The following DLG2 variants were observed in gnomAD, a reference collection of about 807,000 sequenced individuals.
The protein encoded by DLG2 is discs large MAGUK scaffold protein 2.
In DLG2, 45 loss-of-function variants were observed where a neutral mutation model predicts 132.5. That is an observed-to-expected ratio of 0.34 (90% CI 0.27 to 0.44). The LOEUF is 0.44. DLG2 is among the 20% of genes least tolerant of loss of function. The pLI is 1.00. For synonymous variants in DLG2, 424 were observed against 419.6 expected (o/e 1.01, Z -0.13); for missense variants, 1,045 against 1,196.9 (o/e 0.87, Z 1.87).
At chr11:84,979,736 C>T (rs1328901790) in intron 6 of DLG2, among the ~76,000 whole-genome samples, 1 of 152,020 alleles carries the variant, frequency 6.6e-6, no homozygotes, top group East Asian at 1.9e-4. Flanking sequence ...AGCACACCAA[C>T]ATGGCACATG....
At chr11:84,625,833 C>T (rs2099621618) in intron 6 of DLG2, among the ~76,000 whole-genome samples, 1 of 152,134 alleles carries the variant, frequency 6.6e-6, no homozygotes, top group Non-Finnish European at 1.5e-5. Flanking sequence ...TTTGGAAACA[C>T]TAGTCATTTA....
chr11:85,165,321 G>A (rs1477562412), intron 4 of DLG2, among the ~76,000 whole-genome samples: 1 of 152,120 alleles, frequency 6.6e-6, no homozygotes, highest in Non-Finnish European at 1.5e-5. Flanking sequence ...CATTGTTTTG[G>A]ACTGAGTTCC....
At position 85,439,027 on chromosome 11, in the gene DLG2, C is replaced by A. The variant is rs184760663; in HGVS notation, c.41-153662G>T. ...TTATGTATATATTAATAGTTTCTTC[C>A]TTTTTGTTGCTGAGTAGTATTCCAT... On this transcript the variant is annotated intron_variant, in intron 3 of 27. Transcript: ENST00000376104. Among the ~76,000 whole-genome samples the A allele has an allele frequency of 1.4e-4, 22 of 152,200 alleles. 1 individual carries two copies. The highest frequency in any genetic ancestry group is 4.1e-4 in the African/African-American group (17 of 41,528).
At chr11:85,153,447 A>G (rs1260170365) in intron 5 of DLG2, among the ~76,000 whole-genome samples, 2 of 152,148 alleles carry the variant, frequency 1.3e-5, no homozygotes, top group Non-Finnish European at 2.9e-5. Flanking sequence ...AGTCCTGTCA[A>G]TTATTTCTTT....
chr11:85,015,066 G>A (rs1056814674), intron 6 of DLG2, among the ~76,000 whole-genome samples: 1 of 152,084 alleles, frequency 6.6e-6, no homozygotes, highest in Non-Finnish European at 1.5e-5. Context: ...GGTGTCTCTT[G>A]TGTTCATTGA....
intron 7 of DLG2, among the ~76,000 whole-genome samples, chr11:84,526,795 TTGAGACG>T (rs2099322021): frequency 6.7e-6 from 1 of 148,622 alleles, no homozygotes; most frequent in Non-Finnish European, 1.5e-5. Context: ...TTTTTTTTTT[TTGAGACG>T]GAGTCTTGCT....
At chr11:84,401,824 A>T (rs192190885) in intron 7 of DLG2, among the ~76,000 whole-genome samples, 1 of 152,284 alleles carries the variant, frequency 6.6e-6, no homozygotes, top group Non-Finnish European at 1.5e-5. Flanking sequence ...CTGGGACTAC[A>T]GGCGCCTGCC....
At chr11:85,331,842 C>T (rs193264021) in intron 3 of DLG2, among the ~76,000 whole-genome samples, 1 of 152,182 alleles carries the variant, frequency 6.6e-6, no homozygotes, top group African/African-American at 2.4e-5. Context: ...GTAAATGTAC[C>T]ACATTTGCTT....
intron 18 of DLG2, among the ~76,000 whole-genome samples, chr11:83,664,863 A>G (rs530728805): frequency 2.6e-4 from 39 of 152,344 alleles, no homozygotes; most frequent in African/African-American, 8.7e-4. Flanking sequence ...TTTATTTAGC[A>G]TTTAACTGAG....
At position 84,682,158 on chromosome 11, in the gene DLG2, C is replaced by G. The variant is rs2153709228; in HGVS notation, c.358-147427G>C. 2.0e-5 allele frequency among the ~76,000 whole-genome samples: 3 copies of G among 152,250 alleles called. No individual in the cohort carries two copies. The South Asian group carries it at 6.2e-4, about 32-fold the overall frequency. On this transcript the variant is annotated intron_variant, in intron 6 of 27. Coordinates refer to ENST00000376104, the MANE Select transcript of DLG2 (RefSeq NM_001142699.3). Reference sequence around the variant, plus strand: ...CTACCTCCATTACCCAAACACCTCGCATTAAGCCCCACCTCCAACACTGGT... The same window carrying G: ...CTACCTCCATTACCCAAACACCTCGGATTAAGCCCCACCTCCAACACTGGT...
At chr11:84,408,878 T>C (rs2098877941) in intron 7 of DLG2, among the ~76,000 whole-genome samples, 1 of 152,186 alleles carries the variant, frequency 6.6e-6, no homozygotes, top group African/African-American at 2.4e-5. Flanking sequence ...TCTCTGTAGA[T>C]GTCTACAGCA....
At chr11:84,032,826 A>T (rs1445038957) in intron 11 of DLG2, among the ~76,000 whole-genome samples, 1 of 152,112 alleles carries the variant, frequency 6.6e-6, no homozygotes, top group Non-Finnish European at 1.5e-5. Context: ...GCCAATGCTT[A>T]TTTACCAATC....
At chr11:85,014,248 C>T (rs1409299279) in intron 6 of DLG2, among the ~76,000 whole-genome samples, 1 of 152,162 alleles carries the variant, frequency 6.6e-6, no homozygotes, top group Non-Finnish European at 1.5e-5. Flanking sequence ...TGAAATAATA[C>T]ATTTACCCAG....
chr11:85,360,246 G>C (rs2084043060), intron 3 of DLG2, among the ~76,000 whole-genome samples: 2 of 152,178 alleles, frequency 1.3e-5, no homozygotes, highest in South Asian at 4.1e-4. Flanking sequence ...TGAGAATATA[G>C]GCTGTAATGT....
At chr11:84,855,932 C>A (rs1340010237) in intron 6 of DLG2, among the ~76,000 whole-genome samples, 1 of 151,994 alleles carries the variant, frequency 6.6e-6, no homozygotes, top group Admixed American at 6.6e-5. Flanking sequence ...AGAGTTGGAA[C>A]AGAGGCTAGC....
At chr11:83,858,581 G>C (rs1276563440) in intron 16 of DLG2, among the ~76,000 whole-genome samples, 5 of 152,160 alleles carry the variant, frequency 3.3e-5, no homozygotes, top group Admixed American at 6.5e-5. Context: ...CTCACAAGGA[G>C]GTGGACATTA....
intron 7 of DLG2, among the ~76,000 whole-genome samples, chr11:84,481,900 G>A (rs1052999068): frequency 6.6e-6 from 1 of 152,146 alleles, no homozygotes; most frequent in Non-Finnish European, 1.5e-5. Context: ...CTCAGGATCA[G>A]ACAGGGACTT....
At chr11:84,265,389 A>C (rs2097607255) in intron 7 of DLG2, among the ~76,000 whole-genome samples, 1 of 152,180 alleles carries the variant, frequency 6.6e-6, no homozygotes, top group Non-Finnish European at 1.5e-5. Flanking sequence ...ATTGGATGAA[A>C]CTTAGGCTCA....
At chr11:83,746,292 G>A (rs1028540588) in intron 18 of DLG2, among the ~76,000 whole-genome samples, 2 of 152,142 alleles carry the variant, frequency 1.3e-5, no homozygotes, top group African/African-American at 4.8e-5. Context: ...GTTTATTGCG[G>A]CACTATTCAC....
Sources: gnomAD v4.1 joint callset for allele counts (sites outside exome capture counted in the v4.1 genomes callset) on GRCh38, gnomAD v4.1.1 for gene constraint, MANE v1.5 for transcripts, NCBI Gene and HGNC (gene_info 2026-07-23, HGNC 2026-07-21) for gene names.